Variants in FAM53B observed in about 807,000 individuals in gnomAD.
The protein encoded by FAM53B is protein FAM53B.
Under a neutral mutation model 32.7 loss-of-function variants are expected in FAM53B, and 12 were observed. The ratio of observed to expected loss-of-function variants is 0.37; its 90% CI spans 0.24 to 0.59. FAM53B has a LOEUF of 0.59. FAM53B is among the 20% of genes least tolerant of loss of function. The pLI is 0.72. For missense variants in FAM53B, 477 were observed against 577.7 expected, an observed-to-expected ratio of 0.83 and a Z score of 1.79; for synonymous variants, 234 against 228.7, an observed-to-expected ratio of 1.02 and a Z score of -0.21.
At chr10:124,740,316 GA>G (rs1354203604) in intron 1 of FAM53B, among the ~76,000 whole-genome samples, 1 of 152,064 alleles carries the variant, frequency 6.6e-6, no homozygotes, top group Non-Finnish European at 1.5e-5. Context: ...AAGCATCAAA[GA>G]AGTTACCTTA....
At chr10:124,732,826 T>C (rs1234225457) in intron 1 of FAM53B, among the ~76,000 whole-genome samples, 5 of 147,244 alleles carry the variant, frequency 3.4e-5, no homozygotes, top group Admixed American at 6.8e-5. Context: ...TGAGACTCCA[T>C]CACAAAAAAA....
rs1258997746 is a variant in FAM53B at position 124,657,193 on chromosome 10, T to TAA, written c.906+24412_906+24413dup. 4.7e-5 allele frequency among the ~76,000 whole-genome samples: 7 copies of TAA among 148,140 alleles called. No homozygotes were observed. In the South Asian group the frequency reaches 6.3e-4, roughly 13 times the overall value. On this transcript the variant is annotated intron_variant, in intron 4 of 4. Coordinates refer to ENST00000337318, the MANE Select transcript of FAM53B (RefSeq NM_014661.4). ...ATATATGTACATATATATATATATA[T>TAA]AAGAAATGGCAGTATACAGATTAAA...
intron 4 of FAM53B, among the ~76,000 whole-genome samples, chr10:124,664,014 G>A (rs917790673): frequency 2.0e-5 from 3 of 152,062 alleles, no homozygotes; most frequent in African/African-American, 7.2e-5. Context: ...CAGGCCCTGC[G>A]GTCAGTGCTG....
Position 124,682,069 on chromosome 10 carries a change from G to A in FAM53B, c.444C>T (p.Ser148=), listed in dbSNP as rs148943049. The part of the protein sequence containing the change: ...WTPVEKRRCY[S]GGSVQRYSNG... ...TGGAATAGCGCTGGACGCTGCCCCC[G>A]CTGTAGCAGCGTCTCTTTTCCACGG... is the stretch of plus-strand genomic sequence containing the variant. The change falls in exon 4 of 5, where the codon AGC becomes AGT. Residue 148 remains serine, a synonymous_variant. Coordinates refer to ENST00000337318, the MANE Select transcript of FAM53B (RefSeq NM_014661.4). The surrounding 1 kb of genome is among the most constrained non-coding windows in gnomAD (Gnocchi z 5.2). 1,075 of 1,613,738 alleles carry A rather than the reference G, an allele frequency of 6.7e-4. 5 individuals are homozygous for A. Among genetic ancestry groups the A allele is most frequent in the Middle Eastern group, 2.0e-3 (12 of 6,062 alleles).
chr10:124,675,106 C>A (rs756368522), intron 4 of FAM53B, among the ~76,000 whole-genome samples: 1 of 152,190 alleles, frequency 6.6e-6, no homozygotes, highest in South Asian at 2.1e-4. Flanking sequence ...TGGCAACACT[C>A]GGCCCCGATC....
At chr10:124,668,705 G>A (rs1010594008) in intron 4 of FAM53B, among the ~76,000 whole-genome samples, 3 of 152,238 alleles carry the variant, frequency 2.0e-5, no homozygotes, top group Admixed American at 2.0e-4. Context: ...GGGGCCAGGG[G>A]TCATGAGGCA....
intron 1 of FAM53B, among the ~76,000 whole-genome samples, chr10:124,734,290 G>A (rs1412594945): frequency 6.6e-6 from 1 of 152,238 alleles, no homozygotes; most frequent in Admixed American, 6.5e-5. Context: ...GAATTCCTCA[G>A]GGCCTGACGA....
Position 124,623,018 on chromosome 10 carries a change from G to T in FAM53B, c.*224C>A, listed in dbSNP as rs998519377. 1.8e-6 allele frequency: 1 copy of T among 556,634 alleles called. No individual in the cohort carries two copies. Among genetic ancestry groups the T allele is most frequent in the Non-Finnish European group, 3.1e-6 (1 of 320,988 alleles). 34.5% of individuals were successfully genotyped at this position (556,634 alleles called of 1,614,324 possible). A position where few individuals can be genotyped will look rare whatever the true frequency, so the allele number is the denominator to read the frequency against. Reference sequence around the variant, plus strand: ...CAGTAGTTCTGTGGACCTGGTGGCTGCCACGCTCGGGGAGCCGGTGAGAGG... The same window carrying T: ...CAGTAGTTCTGTGGACCTGGTGGCTTCCACGCTCGGGGAGCCGGTGAGAGG... On this transcript the variant is annotated 3_prime_UTR_variant, in exon 5 of 5. Coordinates refer to ENST00000337318, the MANE Select transcript of FAM53B (RefSeq NM_014661.4).
chr10:124,715,931 T>C (rs1950036280), intron 1 of FAM53B, among the ~76,000 whole-genome samples: 2 of 152,218 alleles, frequency 1.3e-5, no homozygotes, highest in South Asian at 4.1e-4. Context: ...CCTTATTAAA[T>C]GCTCATAAAT....
chr10:124,638,701 G>A (rs1050907158), intron 4 of FAM53B, among the ~76,000 whole-genome samples: 2 of 152,262 alleles, frequency 1.3e-5, no homozygotes, highest in East Asian at 3.8e-4. Context: ...GCTGGGGCGG[G>A]GGAGGCCATG....
chr10:124,667,260 T>C (rs1390837226), intron 4 of FAM53B: 6 of 602,446 alleles, frequency 1.0e-5, no homozygotes, highest in African/African-American at 7.5e-5. Context: ...CTGGGTTAAA[T>C]ATACTATTCA....
chr10:124,721,718 C>G (rs957057143), intron 1 of FAM53B, among the ~76,000 whole-genome samples: 1 of 152,234 alleles, frequency 6.6e-6, no homozygotes. Context: ...GAGCGTAAAA[C>G]ATAACCTGCC....
chr10:124,662,414 T>TCGTC (rs1437118957), intron 4 of FAM53B, among the ~76,000 whole-genome samples: 1 of 152,212 alleles, frequency 6.6e-6, no homozygotes, highest in African/African-American at 2.4e-5. Context: ...GTGAGTTCGT[T>TCGTC]CGTCCGTCCA....
intron 4 of FAM53B, among the ~76,000 whole-genome samples, chr10:124,641,774 C>T (rs910273014): frequency 1.3e-5 from 2 of 152,196 alleles, no homozygotes; most frequent in African/African-American, 4.8e-5. Context: ...CAGGTGTCAA[C>T]AGGTGGGTCT....
At chr10:124,668,251 T>C (rs2134061014) in intron 4 of FAM53B, among the ~76,000 whole-genome samples, 1 of 152,370 alleles carries the variant, frequency 6.6e-6, no homozygotes, top group South Asian at 2.1e-4. Context: ...GCGGAAATGC[T>C]CTCCCCAAAC....
chr10:124,721,006 C>T (rs912033718), intron 1 of FAM53B, among the ~76,000 whole-genome samples: 1 of 152,128 alleles, frequency 6.6e-6, no homozygotes. Context: ...TCAAAACCAG[C>T]CTGGGAAACA....
chr10:124,623,630 A>C, intron 4 of FAM53B, 26 bp from the exon 5 acceptor site: 1 of 1,594,384 alleles, frequency 6.3e-7, no homozygotes, highest in Non-Finnish European at 8.5e-7. Flanking sequence ...CACACAGGTT[A>C]CTAAGGGTTA....
intron 1 of FAM53B, among the ~76,000 whole-genome samples, chr10:124,725,796 T>C (rs554169342): frequency 2.6e-5 from 4 of 152,290 alleles, no homozygotes; most frequent in East Asian, 1.9e-4. Context: ...TCCATGAAGA[T>C]GGCTGAACGG....
rs559779632 is a variant in FAM53B at position 124,669,832 on chromosome 10, A to G, written c.906+11775T>C. ...CTCGGCACTCCCTTTTCTTCCCTGG[A>G]AAGTAGAACAGGAGGAGCCCCTCAC... On this transcript the variant is annotated intron_variant, in intron 4 of 4. Coordinates refer to ENST00000337318, the MANE Select transcript of FAM53B (RefSeq NM_014661.4). Among the ~76,000 whole-genome samples, 146 of 152,218 alleles carry G rather than the reference A, an allele frequency of 9.6e-4. No individual in the cohort carries two copies. The Middle Eastern group carries it at 0.01, about 11-fold the overall frequency.
Sources: allele counts gnomAD v4.1 joint callset (sites outside exome capture counted in the v4.1 genomes callset), GRCh38; gene constraint gnomAD v4.1.1; non-coding constraint Gnocchi (gnomAD v3.1); transcripts MANE v1.5; gene names NCBI Gene and HGNC (gene_info 2026-07-23, HGNC 2026-07-21).